PCDH11X: variants seen among roughly 807,000 people sequenced by gnomAD.
The protein encoded by PCDH11X is protocadherin 11 X-linked.
Under a neutral mutation model 53.3 loss-of-function variants are expected in PCDH11X, and 18 were observed. The ratio of observed to expected loss-of-function variants is 0.34; its 90% confidence interval spans 0.23 to 0.50. The LOEUF (loss-of-function observed/expected upper bound fraction) is 0.50. Among genes scored for constraint, PCDH11X ranks in the 20% least tolerant of loss-of-function variants. The probability of loss-of-function intolerance (pLI) is 0.98; values close to 1 mark genes in which losing one functional copy is unlikely to be tolerated. For missense variants in PCDH11X, 570 were observed against 1,032.4 expected, an observed-to-expected ratio of 0.55 and a Z score of 6.14; for synonymous variants, 279 against 393.3, an observed-to-expected ratio of 0.71 and a Z score of 3.44.
At chrX:92,135,770 T>TGC (rs1380413964) in intron 6 of PCDH11X, among the ~76,000 whole-genome samples, 1 of 109,625 alleles carries the variant, frequency 9.1e-6, no homozygotes, top group African/African-American at 3.3e-5. Flanking sequence ...TGTGTGTGTG[T>TGC]GTGTGTGTGT....
At chrX:92,181,962 C>T (rs980419996) in intron 6 of PCDH11X, among the ~76,000 whole-genome samples, 2 of 112,152 alleles carry the variant, frequency 1.8e-5, no homozygotes, top group Non-Finnish European at 3.8e-5. Flanking sequence ...CCTAGTGGAG[C>T]TGTTAGAAGA....
chrX:92,255,288 C>G (rs2067548464), intron 7 of PCDH11X, among the ~76,000 whole-genome samples: 1 of 101,579 alleles, frequency 9.8e-6, no homozygotes, highest in African/African-American at 3.6e-5. Context: ...GTTTTCAGCT[C>G]CATCAGCTCC....
intron 6 of PCDH11X, among the ~76,000 whole-genome samples, chrX:92,117,031 G>A (rs1441181068): frequency 9.2e-6 from 1 of 109,222 alleles, no homozygotes; most frequent in Non-Finnish European, 1.9e-5. Flanking sequence ...ATATGAACCT[G>A]AACATGTTTT....
At chrX:91,821,332 A>G (rs1186559011) in intron 4 of PCDH11X, among the ~76,000 whole-genome samples, 1 of 107,511 alleles carries the variant, frequency 9.3e-6, no homozygotes, top group South Asian at 4.1e-4. Context: ...ATTTGTTTGT[A>G]TCCTCTTTTA....
chrX:92,008,955 A>T (rs939026501), intron 6 of PCDH11X, among the ~76,000 whole-genome samples: 22 of 111,900 alleles, frequency 2.0e-4, no homozygotes, highest in Non-Finnish European at 3.4e-4. Flanking sequence ...TTTGATGCTT[A>T]GGCACTGATA....
chrX:91,899,151 A>G (rs1489643260), intron 6 of PCDH11X, among the ~76,000 whole-genome samples: 1 of 111,019 alleles, frequency 9.0e-6, no homozygotes, highest in African/African-American at 3.3e-5. Flanking sequence ...CAAGCTGAGG[A>G]GCAAGGAAGC....
intron 9 of PCDH11X, among the ~76,000 whole-genome samples, chrX:92,424,182 ATGT>A (rs1448467435): frequency 7.3e-5 from 3 of 40,848 alleles, no homozygotes; most frequent in South Asian, 2.7e-3. Flanking sequence ...CTATTGGCAA[ATGT>A]TTTTTTTTTT....
intron 6 of PCDH11X, among the ~76,000 whole-genome samples, chrX:92,102,121 G>A (rs911862889): frequency 9.0e-6 from 1 of 110,973 alleles, no homozygotes; most frequent in African/African-American, 3.3e-5. Flanking sequence ...TAATGTGGGA[G>A]GCCAGATTGA....
At chrX:92,090,366 T>C (rs2064029384) in intron 6 of PCDH11X, among the ~76,000 whole-genome samples, 1 of 110,111 alleles carries the variant, frequency 9.1e-6, no homozygotes, top group South Asian at 3.9e-4. Context: ...AAATCTCTTG[T>C]AAAAGTGGGT....
chrX:92,435,742 G>A (rs1356753731), intron 9 of PCDH11X, among the ~76,000 whole-genome samples: 3 of 111,333 alleles, frequency 2.7e-5, no homozygotes, highest in African/African-American at 9.8e-5. Context: ...CAAATGTTGA[G>A]GGAGTTCATT....
intron 6 of PCDH11X, among the ~76,000 whole-genome samples, chrX:91,923,505 G>A (rs1391870744): frequency 1.8e-5 from 2 of 110,177 alleles, no homozygotes; most frequent in Non-Finnish European, 3.8e-5. Flanking sequence ...CTTTAGCTTT[G>A]GGACTCTTGG....
At chrX:92,513,774 C>T (rs768872590) in intron 10 of PCDH11X, among the ~76,000 whole-genome samples, 1 of 110,595 alleles carries the variant, frequency 9.0e-6, no homozygotes, top group East Asian at 2.8e-4. Flanking sequence ...AATTATATAC[C>T]AGGAAATTCA....
chrX:92,492,085 T>A (rs1342463920), intron 10 of PCDH11X, among the ~76,000 whole-genome samples: 1 of 112,108 alleles, frequency 8.9e-6, no homozygotes, highest in Non-Finnish European at 1.9e-5. Flanking sequence ...CAAATCATAC[T>A]CTTTCAAAGT....
rs182568154 is a variant in PCDH11X, at chrX:92,265,129, G to A, written c.3144+1986G>A. Among the ~76,000 whole-genome samples, 15 of 109,382 alleles carry A rather than the reference G, an allele frequency of 1.4e-4. No homozygotes were observed. In the East Asian group the frequency reaches 1.5e-3, roughly 11 times the overall value. The allele number at this position is 109,382 out of a possible 115,157, so 95.0% of individuals were successfully genotyped here. ...TGCTCAGGCTGGAGTGCAATGGCACGATGGATCACAGCTCACTGCAGCTTT... is the reference window on the plus strand; with the variant it reads ...TGCTCAGGCTGGAGTGCAATGGCACAATGGATCACAGCTCACTGCAGCTTT... On this transcript the variant is annotated intron_variant, in intron 8 of 10. Coordinates refer to ENST00000682573, the MANE Select transcript of PCDH11X (RefSeq NM_032968.5).
At chrX:91,893,408 C>A (rs1191848758) in intron 6 of PCDH11X, among the ~76,000 whole-genome samples, 1 of 102,107 alleles carries the variant, frequency 9.8e-6, no homozygotes, top group Non-Finnish European at 2.0e-5. Flanking sequence ...AGTGCAGTGG[C>A]GCGATCTCGG....
chrX:92,258,583 G>C (rs2067647796), intron 7 of PCDH11X, among the ~76,000 whole-genome samples: 2 of 110,243 alleles, frequency 1.8e-5, no homozygotes, highest in Non-Finnish European at 3.8e-5. Flanking sequence ...TAGCCAGGAT[G>C]GTCTCAATCT....
intron 6 of PCDH11X, among the ~76,000 whole-genome samples, chrX:92,050,959 C>T (rs1281118513): frequency 9.0e-6 from 1 of 110,986 alleles, no homozygotes; most frequent in Non-Finnish European, 1.9e-5. Flanking sequence ...CTCACATTGA[C>T]TTCAATAAGT....
At chrX:92,111,347 C>A (rs1209277453) in intron 6 of PCDH11X, among the ~76,000 whole-genome samples, 1 of 106,169 alleles carries the variant, frequency 9.4e-6, no homozygotes, top group African/African-American at 3.4e-5. Context: ...TCATATTCTA[C>A]TCAGTGCTTC....
At chrX:92,140,605 A>G (rs942484343) in intron 6 of PCDH11X, among the ~76,000 whole-genome samples, 5 of 111,642 alleles carry the variant, frequency 4.5e-5, no homozygotes, top group Non-Finnish European at 9.4e-5. Context: ...TGTATTAAAA[A>G]CTCACCAACG....
Sources: gnomAD v4.1 joint callset for allele counts (sites outside exome capture counted in the v4.1 genomes callset) on GRCh38, gnomAD v4.1.1 for gene constraint, MANE v1.5 for transcripts, NCBI Gene and HGNC (gene_info 2026-07-23, HGNC 2026-07-21) for gene names.